Variants in KCNK4 observed in about 807,000 individuals in gnomAD.
KCNK4 encodes potassium channel subfamily K member 4.
In KCNK4, 22 loss-of-function variants were observed where a neutral mutation model predicts 28.8. The ratio of observed to expected loss-of-function variants is 0.76; its 90% CI spans 0.55 to 1.09. The LOEUF is 1.09. KCNK4 is among the 50% of genes least tolerant of loss of function. KCNK4 has a pLI of 0.00. For synonymous variants in KCNK4, 263 were observed against 252.9 expected (o/e 1.04, Z -0.38); for missense variants, 483 against 546.3 (o/e 0.88, Z 1.15).
At position 64,299,845 on chromosome 11, in the gene KCNK4, G is replaced by A. The variant is rs1343343837; in HGVS notation, c.*119G>A. ...ACTGAAGTCTGGGGAGGAGGCTACA[G>A]TTGCCTCTCCGCCTCCTCCCTGGCC... On this transcript the variant is annotated 3_prime_UTR_variant, in exon 7 of 7. Coordinates refer to ENST00000422670, the MANE Select transcript of KCNK4 (RefSeq NM_033310.3). 5 of 1,526,374 alleles carry A rather than the reference G, an allele frequency of 3.3e-6. No homozygotes were observed. Among genetic ancestry groups the A allele is most frequent in the Non-Finnish European group, 4.4e-6 (5 of 1,138,938 alleles). 94.6% of individuals were successfully genotyped at this position (1,526,374 alleles called of 1,614,324 possible).
In KCNK4 at chr11:64,299,854, C is replaced by A; in HGVS notation, c.*128C>A. The A allele has an allele frequency of 1.3e-6, 2 of 1,507,716 alleles. No individual in the cohort carries two copies. The highest frequency in any genetic ancestry group is 1.2e-5 in the South Asian group (1 of 83,388). 93.4% of individuals were successfully genotyped at this position (1,507,716 alleles called of 1,614,324 possible). A position where few individuals can be genotyped will look rare whatever the true frequency, so the allele number is the denominator to read the frequency against. On this transcript the variant is annotated 3_prime_UTR_variant, in exon 7 of 7. Coordinates refer to ENST00000422670, the MANE Select transcript of KCNK4 (RefSeq NM_033310.3). ...TGGGGAGGAGGCTACAGTTGCCTCTCCGCCTCCTCCCTGGCCCCGGCCCTT... is the reference window on the plus strand; with the variant it reads ...TGGGGAGGAGGCTACAGTTGCCTCTACGCCTCCTCCCTGGCCCCGGCCCTT...
Position 64,293,028 on chromosome 11 carries a change from A to C in KCNK4, c.10A>C (p.Thr4Pro). The C allele has an allele frequency of 1.3e-6, 2 of 1,546,168 alleles. No homozygotes were observed. The highest frequency in any genetic ancestry group is 1.7e-6 in the Non-Finnish European group (2 of 1,145,634). The change falls in exon 2 of 7, where the codon ACC (threonine) becomes CCC (proline). Residue 4 changes from threonine to proline, a missense_variant. Thr to Pro is a conservative substitution (Grantham distance 38, BLOSUM62 -1). Transcript: ENST00000422670. ...GGCGCCTGGGCGCGCCATGCGCAGC[A>C]CCACGCTCCTGGCCCTGCTGGCGCT... MRS[T>P]TLLALLALVL...
chr11:64,296,593 G>A (rs1180440911), intron 2 of KCNK4, among the ~76,000 whole-genome samples: 1 of 152,130 alleles, frequency 6.6e-6, no homozygotes, highest in Non-Finnish European at 1.5e-5. Context: ...TGGTCCCAGG[G>A]TCTGTGCTCC....
At position 64,299,351 on chromosome 11, in the gene KCNK4, C is replaced by A; in HGVS notation, c.807C>A (p.Gly269=). The A allele has an allele frequency of 6.4e-7, 1 of 1,553,540 alleles. No individual in the cohort carries two copies. The highest frequency in any genetic ancestry group is 1.9e-5 in the Admixed American group (1 of 53,256). The change falls in exon 7 of 7, where the codon GGC becomes GGA. Residue 269 remains glycine, a synonymous_variant. Coordinates refer to ENST00000422670, the MANE Select transcript of KCNK4 (RefSeq NM_033310.3). ...TGCTTTCCCTCTCCGTGCAGATGGGCGGCCTCACGGCTCAGGCTGCCAGCT... is the reference window on the plus strand; with the variant it reads ...TGCTTTCCCTCTCCGTGCAGATGGGAGGCCTCACGGCTCAGGCTGCCAGCT... The part of the protein sequence containing the change: ...VVSRRTRAEM[G]GLTAQAASWT...
chr11:64,291,870 C>T, intron 1 of KCNK4: 1 of 258,664 alleles, frequency 3.9e-6, no homozygotes, highest in Non-Finnish European at 6.7e-6. Context: ...GGGTGCCCAC[C>T]TCTCGCGCGT....
intron 2 of KCNK4, among the ~76,000 whole-genome samples, chr11:64,294,000 A>AGATTTACCCTT (rs2034704808): frequency 6.6e-6 from 1 of 152,148 alleles, no homozygotes; most frequent in Non-Finnish European, 1.5e-5. Context: ...TCTTGGAGTC[A>AGATTTACCCTT]TGTGCCTTAG....
chr11:64,298,112 G>T lies in KCNK4; in HGVS notation c.664G>T (p.Ala222Ser), dbSNP rs771503774. The change falls in exon 6 of 7, where the codon GCG becomes TCG. Residue 222 changes from alanine to serine, a missense_variant and splice_region_variant. Ala to Ser is a moderately conservative substitution (Grantham distance 99). Transcript: ENST00000422670. The part of the protein sequence containing the change: ...TVGFGDYVAG[A>S]DPRQDSPAYQ... Reference sequence around the variant, plus strand: ...TACCTTCCCTGGTGGTATCCCAGGCGCGGACCCCAGGCAGGACTCCCCGGC... The same window carrying T: ...TACCTTCCCTGGTGGTATCCCAGGCTCGGACCCCAGGCAGGACTCCCCGGC... 6.2e-7 allele frequency: 1 copy of T among 1,613,278 alleles called. No homozygotes were observed. The highest frequency in any genetic ancestry group is 8.5e-7 in the Non-Finnish European group (1 of 1,179,856).
At chr11:64,292,233 C>T in intron 1 of KCNK4, 1 of 343,980 alleles carries the variant, frequency 2.9e-6, no homozygotes, top group Non-Finnish European at 4.1e-6. Context: ...CGCGTGGGCG[C>T]CGCCGCCCGC....
At position 64,300,030 on chromosome 11, in the gene KCNK4, G is replaced by C; in HGVS notation, c.*304G>C. The C allele has an allele frequency of 1.6e-6, 1 of 614,708 alleles. No individual in the cohort carries two copies. The highest frequency in any genetic ancestry group is 2.8e-6 in the Non-Finnish European group (1 of 351,356). 38.1% of individuals were successfully genotyped at this position (614,708 alleles called of 1,614,324 possible). Reference sequence around the variant, plus strand: ...CACCGCTGCGGGCGTGACGCTCCCGGACGCGAGTGGGTGTGGAATTGCTTT... The same window carrying C: ...CACCGCTGCGGGCGTGACGCTCCCGCACGCGAGTGGGTGTGGAATTGCTTT... On this transcript the variant is annotated 3_prime_UTR_variant, in exon 7 of 7. Coordinates refer to ENST00000422670, the MANE Select transcript of KCNK4 (RefSeq NM_033310.3).
chr11:64,293,054 G>T lies in KCNK4; in HGVS notation c.36G>T (p.Leu12=), dbSNP rs535348176. 2.6e-6 allele frequency: 4 copies of T among 1,548,632 alleles called. No homozygotes were observed. In the African/African-American group the frequency reaches 4.1e-5, roughly 16 times the overall value. ...CCACGCTCCTGGCCCTGCTGGCGCT[G>T]GTCTTGCTTTACTTGGTGTCTGGTG... ...RSTTLLALLA[L]VLLYLVSGAL... Residue 12 remains leucine, a synonymous_variant, in exon 2 of 7, where the codon CTG becomes CTT. Coordinates refer to ENST00000422670, the MANE Select transcript of KCNK4 (RefSeq NM_033310.3).
At chr11:64,292,843 TG>T in intron 1 of KCNK4, 98 bp from the exon 2 acceptor site, 1 of 1,319,934 alleles carries the variant, frequency 7.6e-7, no homozygotes, top group East Asian at 2.8e-5. Context: ...ACAGTGCAGC[TG>T]GGGGCTTTAT....
Position 64,297,504 on chromosome 11 carries a change from C to T in KCNK4, c.512C>T (p.Ser171Leu), listed in dbSNP as rs750470775. The change falls in exon 5 of 7, where the codon TCG becomes TTG. Residue 171 changes from serine (S) to leucine (L), a missense_variant. Coordinates refer to ENST00000422670, the MANE Select transcript of KCNK4 (RefSeq NM_033310.3). Reference sequence around the variant, plus strand: ...CCACCGGAGCTAGTAAGAGTGCTGTCGGCGATGCTTTTCCTGCTGATCGGC... The same window carrying T: ...CCACCGGAGCTAGTAAGAGTGCTGTTGGCGATGCTTTTCCTGCTGATCGGC... ...HVPPELVRVL[S>L]AMLFLLIGCL... is the part of the protein sequence containing the mutation. 37 of 1,614,020 alleles carry T rather than the reference C, an allele frequency of 2.3e-5. No individual in the cohort carries two copies. The East Asian group carries it at 5.3e-4, about 23-fold the overall frequency.
Position 64,297,455 on chromosome 11 carries a change from C to A in KCNK4, c.475-12C>A, listed in dbSNP as rs376527705. The A allele has an allele frequency of 1.2e-5, 20 of 1,613,586 alleles. No individual in the cohort carries two copies. The highest frequency in any genetic ancestry group is 2.7e-5 in the African/African-American group (2 of 74,892). On this transcript the variant is annotated splice_polypyrimidine_tract_variant and intron_variant, in intron 4 of 6. Transcript: ENST00000422670. Reference sequence around the variant, plus strand: ...GTGTCTCCTGGGTCCTGCCTACTGCCCCATCCCGCAGAAGTGGCACGTGCC... The same window carrying A: ...GTGTCTCCTGGGTCCTGCCTACTGCACCATCCCGCAGAAGTGGCACGTGCC...
chr11:64,294,045 C>G (rs2034705884), intron 2 of KCNK4, among the ~76,000 whole-genome samples: 1 of 152,164 alleles, frequency 6.6e-6, no homozygotes, highest in Non-Finnish European at 1.5e-5. Flanking sequence ...CACCCCCTCC[C>G]CCTGGAAAAG....
intron 6 of KCNK4, among the ~76,000 whole-genome samples, chr11:64,299,050 G>GAAAAAAAA (rs56097945): frequency 1.3e-4 from 11 of 85,074 alleles, no homozygotes; most frequent in East Asian, 3.9e-4. Flanking sequence ...AAAAAAAGAA[G>GAAAAAAAA]AAAAAAAAAA....
At chr11:64,296,145 A>C (rs929982500) in intron 2 of KCNK4, 15 of 152,146 alleles carry the variant, frequency 9.9e-5, no homozygotes, top group African/African-American at 3.6e-4. Flanking sequence ...TTAAAATAAT[A>C]ATAATACTTA....
intron 6 of KCNK4, 52 bp from the exon 7 acceptor site, chr11:64,299,294 C>T (rs2034859544): frequency 2.1e-6 from 3 of 1,417,584 alleles, no homozygotes; most frequent in Non-Finnish European, 2.8e-6. Flanking sequence ...CCCGGGGGGT[C>T]GCGGAGGGGG....
intron 2 of KCNK4, among the ~76,000 whole-genome samples, chr11:64,295,121 TTGGAG>T (rs1197745324): frequency 6.6e-6 from 1 of 152,134 alleles, no homozygotes; most frequent in Admixed American, 6.5e-5. Context: ...CAAGGGGATA[TTGGAG>T]TGGATCAGAC....
chr11:64,297,527 G>T lies in KCNK4; in HGVS notation c.535G>T (p.Gly179Cys). The T allele has an allele frequency of 6.2e-7, 1 of 1,614,126 alleles. No individual in the cohort carries two copies. The highest frequency in any genetic ancestry group is 8.5e-7 in the Non-Finnish European group (1 of 1,180,008). ...VLSAMLFLLIGCLLFVLTPTF... is the reference protein window; with the variant it reads ...VLSAMLFLLICCLLFVLTPTF... ...GTCGGCGATGCTTTTCCTGCTGATC[G>T]GCTGCCTGCTCTTTGTCCTCACGCC... The change falls in exon 5 of 7, where the codon GGC becomes TGC. Residue 179 changes from glycine (G) to cysteine (C), a missense_variant. Physicochemically the swap from Gly to Cys is radical, Grantham distance 159 (BLOSUM62 -3). Coordinates refer to ENST00000422670, the MANE Select transcript of KCNK4 (RefSeq NM_033310.3).
Sources: allele counts gnomAD v4.1 joint callset (sites outside exome capture counted in the v4.1 genomes callset), GRCh38; gene constraint gnomAD v4.1.1; transcripts MANE v1.5; gene names NCBI Gene and HGNC (gene_info 2026-07-23, HGNC 2026-07-21).